The following NTRK3 variants were observed in gnomAD, a reference collection of about 807,000 sequenced individuals.
NTRK3 encodes the protein NT-3 growth factor receptor.
NTRK3 carries 24 observed loss-of-function variants against 91.7 expected under a neutral mutation model. That is an observed-to-expected ratio of 0.26 (90% CI 0.19 to 0.37). The LOEUF (loss-of-function observed/expected upper bound fraction) is 0.37. Among genes scored for constraint, NTRK3 ranks in the 10% least tolerant of loss-of-function variants. The pLI is 1.00. For missense variants in NTRK3, 880 were observed against 1,068.9 expected, an observed-to-expected ratio of 0.82 and a Z score of 2.46; for synonymous variants, 483 against 404.0, an observed-to-expected ratio of 1.20 and a Z score of -2.34.
chr15:87,952,904 T>C (rs1464930223), intron 14 of NTRK3, among the ~76,000 whole-genome samples: 1 of 151,806 alleles, frequency 6.6e-6, no homozygotes, highest in Admixed American at 6.6e-5. Flanking sequence ...CTGTATCTGA[T>C]GGGGAACAAG....
At chr15:88,127,040 T>C (rs2053360840) in intron 12 of NTRK3, 122 bp downstream of exon 12, 8 of 876,938 alleles carry the variant, frequency 9.1e-6, no homozygotes, top group Admixed American at 6.0e-5. Flanking sequence ...CGTAGTTCAA[T>C]TCATTACTTT....
intron 14 of NTRK3, chr15:87,977,970 C>G (rs1029299965): frequency 4.3e-5 from 10 of 232,910 alleles, no homozygotes; most frequent in Admixed American, 2.8e-4. Flanking sequence ...AAACAACCAC[C>G]TTTTTCCCCC....
chr15:88,153,431 A>G (rs1171696946), intron 5 of NTRK3, among the ~76,000 whole-genome samples: 3 of 151,992 alleles, frequency 2.0e-5, no homozygotes, highest in East Asian at 1.9e-4. Flanking sequence ...TTTAGTAGAC[A>G]CTAAAAATAC....
At chr15:88,035,466 G>C (rs2078991386) in intron 13 of NTRK3, among the ~76,000 whole-genome samples, 1 of 152,192 alleles carries the variant, frequency 6.6e-6, no homozygotes, top group Non-Finnish European at 1.5e-5. Flanking sequence ...CAGGAGATTA[G>C]AGAATACATC....
chr15:87,981,276 T>A (rs1472354184), intron 14 of NTRK3: 3 of 1,592,312 alleles, frequency 1.9e-6, no homozygotes, highest in African/African-American at 2.7e-5. Context: ...AGGTTCCTCA[T>A]ATATATAGTG....
intron 14 of NTRK3, among the ~76,000 whole-genome samples, chr15:87,971,216 A>C (rs185694563): frequency 6.6e-6 from 1 of 152,158 alleles, no homozygotes; most frequent in Non-Finnish European, 1.5e-5. Context: ...CAGTGGGAGG[A>C]AACAGACTCA....
intron 14 of NTRK3, among the ~76,000 whole-genome samples, chr15:87,985,809 G>A (rs1030247020): frequency 2.0e-5 from 3 of 152,150 alleles, no homozygotes; most frequent in African/African-American, 7.2e-5. Flanking sequence ...CGCTCCTGAA[G>A]GGATCTTGAA....
At chr15:87,929,950 G>A (rs2068647154) in intron 16 of NTRK3, among the ~76,000 whole-genome samples, 1 of 152,200 alleles carries the variant, frequency 6.6e-6, no homozygotes, top group East Asian at 1.9e-4. Flanking sequence ...CCAGACATGT[G>A]ACTGTAAAAA....
intron 3 of NTRK3, among the ~76,000 whole-genome samples, chr15:88,236,551 A>G (rs970158448): frequency 4.0e-5 from 6 of 150,698 alleles, no homozygotes; most frequent in African/African-American, 1.5e-4. Context: ...TGTAAAAAAG[A>G]AAAGAGAAGA....
intron 6 of NTRK3, among the ~76,000 whole-genome samples, chr15:88,137,943 C>T (rs879404657): frequency 2.6e-5 from 4 of 151,492 alleles, no homozygotes; most frequent in Admixed American, 6.6e-5. Context: ...CCCAGCTACT[C>T]GGGAGGCTGA....
chr15:87,907,275 C>G (rs1384294898), intron 17 of NTRK3, among the ~76,000 whole-genome samples: 1 of 152,122 alleles, frequency 6.6e-6, no homozygotes, highest in Admixed American at 6.5e-5. Context: ...GTTCTGCTTG[C>G]AAAATTCTCA....
intron 13 of NTRK3, among the ~76,000 whole-genome samples, chr15:88,119,775 C>T (rs991729): frequency 0.24 from 37,002 of 152,152 alleles, 4,850 homozygotes; most frequent in African/African-American, 0.31. Flanking sequence ...GTTTCATTTC[C>T]GCCTTGCACT....
At chr15:88,105,317 T>C (rs577235113) in intron 13 of NTRK3, among the ~76,000 whole-genome samples, 1 of 152,272 alleles carries the variant, frequency 6.6e-6, no homozygotes, top group East Asian at 1.9e-4. Context: ...TCTCCAGATT[T>C]AGGGGAACAT....
chr15:88,138,174 T>C (rs1416041145), intron 6 of NTRK3, among the ~76,000 whole-genome samples: 3 of 151,452 alleles, frequency 2.0e-5, no homozygotes, highest in African/African-American at 7.3e-5. Context: ...GAGGCCGAGG[T>C]GGGAGGATCA....
intron 14 of NTRK3, among the ~76,000 whole-genome samples, chr15:87,954,407 G>A (rs185466397): frequency 2.4e-4 from 36 of 152,312 alleles, no homozygotes; most frequent in African/African-American, 8.4e-4. Context: ...GCCTCCTGCA[G>A]ATGTGTTTTG....
rs767919095 is a variant in NTRK3, at chr15:88,128,728, G to A, written c.1211C>T (p.Thr404Met). The A allele has an allele frequency of 1.7e-5, 28 of 1,613,840 alleles. No individual in the cohort carries two copies. Among genetic ancestry groups the A allele is most frequent in the East Asian group, 8.9e-5 (4 of 44,886 alleles). ...AGACTTACACAAGATAAAGTTATCC[G>A]TGCTCTCTGCAAAAAAAGGACAAAG... is the stretch of plus-strand genomic sequence containing the variant. Residue 404 changes from threonine (T) to methionine (M), a missense_variant, in exon 11 of 19, where the codon ACG becomes ATG. Around this residue, in one of 3 missense-constraint regions of NTRK3, gnomAD observed 743 missense variants for 868.6 expected, o/e 0.86. Coordinates refer to ENST00000394480, the Ensembl canonical transcript of NTRK3.
intron 15 of NTRK3, among the ~76,000 whole-genome samples, chr15:87,938,619 C>T (rs1314299521): frequency 1.3e-5 from 2 of 152,174 alleles, no homozygotes; most frequent in Admixed American, 6.5e-5. Context: ...CCCCTTAATG[C>T]CAGACCACTC....
chr15:88,187,557 G>C (rs1257647289), intron 3 of NTRK3, among the ~76,000 whole-genome samples: 1 of 152,138 alleles, frequency 6.6e-6, no homozygotes, highest in Non-Finnish European at 1.5e-5. Context: ...CTTTGTCAAT[G>C]GTGAGTATCT....
intron 5 of NTRK3, among the ~76,000 whole-genome samples, chr15:88,153,251 A>G (rs2043559305): frequency 1.3e-5 from 2 of 151,298 alleles, no homozygotes; most frequent in East Asian, 3.9e-4. Flanking sequence ...TTTGTTTTTT[A>G]TTTTTTTTGA....
Sources: allele counts gnomAD v4.1 joint callset (sites outside exome capture counted in the v4.1 genomes callset), GRCh38; gene constraint gnomAD v4.1.1; regional missense constraint gnomAD v4.1.1; transcripts MANE v1.5; gene names NCBI Gene and HGNC (gene_info 2026-07-23, HGNC 2026-07-21).